The following ATP13A2 variants were observed in gnomAD, a reference collection of about 807,000 sequenced individuals.
ATP13A2 encodes the protein ATPase cation transporting 13A2.
ATP13A2 carries 83 observed loss-of-function variants against 138.3 expected under a neutral mutation model. That is an observed-to-expected ratio of 0.60 (90% CI 0.50 to 0.72). ATP13A2 has a LOEUF of 0.72. ATP13A2 is among the 30% of genes least tolerant of loss of function. The pLI is 0.00. For synonymous variants in ATP13A2, 663 were observed against 699.0 expected, an observed-to-expected ratio of 0.95 and a Z score of 0.81; for missense variants, 1,402 against 1,606.4, an observed-to-expected ratio of 0.87 and a Z score of 2.17.
In ATP13A2 at chr1:16,992,449, C is replaced by T. The variant is rs775851207; in HGVS notation, c.1845+37G>A. ...TGAGGTGCTGGCTGGGGAGCCCACC[C>T]CTCTGCCCTGCACCCAACAGGCCCC... On this transcript the variant is annotated intron_variant, in intron 17 of 28. Coordinates refer to ENST00000326735, the MANE Select transcript of ATP13A2 (RefSeq NM_022089.4). 8.1e-6 allele frequency: 13 copies of T among 1,613,536 alleles called. No individual in the cohort carries two copies. The African/African-American group carries it at 1.3e-4, about 17-fold the overall frequency.
chr1:17,002,613 T>C (rs912052791), intron 6 of ATP13A2, among the ~76,000 whole-genome samples: 1 of 152,208 alleles, frequency 6.6e-6, no homozygotes, highest in Non-Finnish European at 1.5e-5. Context: ...GCTAATAATA[T>C]GAACAGTGAA....
Position 16,996,377 on chromosome 1 carries a change from G to T in ATP13A2, c.1306+9C>A. ...CTATGGGCAGAGGAGGGTGCAGGGG[G>T]CCACTCACCCAGGACAGAGAGGGCA... On this transcript the variant is annotated intron_variant, in intron 13 of 28. Transcript: ENST00000326735. 1.9e-6 allele frequency: 3 copies of T among 1,613,290 alleles called. No homozygotes were observed. Among genetic ancestry groups the T allele is most frequent in the South Asian group, 1.1e-5 (1 of 91,066 alleles).
intron 20 of ATP13A2, among the ~76,000 whole-genome samples, chr1:16,990,766 C>A (rs1181555434): frequency 1.3e-5 from 2 of 152,196 alleles, no homozygotes; most frequent in Admixed American, 1.3e-4. Context: ...AGGTGATCCC[C>A]CTGCCTCGGC....
chr1:16,991,175 T>C (rs1570788163), intron 20 of ATP13A2, among the ~76,000 whole-genome samples: 1 of 152,150 alleles, frequency 6.6e-6, no homozygotes, highest in East Asian at 1.9e-4. Flanking sequence ...GGTCTCGAAC[T>C]CCTGACCTCA....
chr1:16,986,395 G>A lies in ATP13A2; in HGVS notation c.3406-37C>T, dbSNP rs748774220. 4.4e-6 allele frequency: 7 copies of A among 1,595,514 alleles called. No individual in the cohort carries two copies. In the East Asian group the frequency reaches 6.8e-5, roughly 16 times the overall value. On this transcript the variant is annotated intron_variant, in intron 28 of 28. Transcript: ENST00000326735. The surrounding 1 kb of genome is among the most constrained non-coding windows in gnomAD (Gnocchi z 6.9). The stretch of plus-strand genomic sequence containing the variant: ...AGGGAGGGTGTCAGGGGCAGCCGGG[G>A]CTGAGCTGGGGTCAATGCACCCCCA...
chr1:16,999,908 AAC>A, intron 11 of ATP13A2, 101 bp downstream of exon 11: 6 of 1,441,432 alleles, frequency 4.2e-6, no homozygotes, highest in Non-Finnish European at 5.5e-6. Context: ...CTCACAAAAA[AAC>A]AAAAAAGGAA....
In ATP13A2 at chr1:16,986,994, G is replaced by A. The variant is rs2076757239; in HGVS notation, c.3084-38C>T. 5 of 1,613,162 alleles carry A rather than the reference G, an allele frequency of 3.1e-6. No homozygotes were observed. The highest frequency in any genetic ancestry group is 4.2e-6 in the Non-Finnish European group (5 of 1,179,532). On this transcript the variant is annotated intron_variant, in intron 26 of 28. Coordinates refer to ENST00000326735, the MANE Select transcript of ATP13A2 (RefSeq NM_022089.4). This position sits in a 1 kb window ranked among gnomAD's most constrained non-coding sequence, Gnocchi z 6.9. ...GGATGGGGGTCAGGGAACGAACGTG[G>A]GGTGGACAGGGAAGGGGCGGGATGG...
chr1:16,993,736 C>T lies in ATP13A2; in HGVS notation c.1642G>A (p.Val548Met), dbSNP rs2077017082. ...PLVPEPRRLP[V>M]GPLLRALATC... ...GCCAGTGCTCGGAGCAGGGGCCCCA[C>T]AGGCAGGCGGCGAGGCTCTGGGACC... Residue 548 changes from valine (V) to methionine (M), a missense_variant, in exon 16 of 29, where the codon GTG (valine) becomes ATG (methionine). By Grantham distance (21) the Val-to-Met change is conservative (BLOSUM62 1). Coordinates refer to ENST00000326735, the MANE Select transcript of ATP13A2 (RefSeq NM_022089.4). 6.3e-7 allele frequency: 1 copy of T among 1,592,506 alleles called. No individual in the cohort carries two copies. Among genetic ancestry groups the T allele is most frequent in the Non-Finnish European group, 8.5e-7 (1 of 1,170,382 alleles).
chr1:17,000,015 C>T lies in ATP13A2; in HGVS notation c.1035G>A (p.Leu345=). The T allele has an allele frequency of 6.2e-7, 1 of 1,607,088 alleles. No individual in the cohort carries two copies. Among genetic ancestry groups the T allele is most frequent in the East Asian group, 2.2e-5 (1 of 44,614 alleles). ...AGECMVNESS[L]TGESIPVLKT... ...GGCCAGGGGCTGGGGGCTCACCTGTCAGAGAGCTCTCATTCACCATGCACT... is the reference window on the plus strand; with the variant it reads ...GGCCAGGGGCTGGGGGCTCACCTGTTAGAGAGCTCTCATTCACCATGCACT... The change falls in exon 11 of 29, where the codon CTG becomes CTA. Residue 345 remains leucine, a synonymous_variant. Transcript: ENST00000326735.
chr1:17,000,424 G>C lies in ATP13A2; in HGVS notation c.816C>G (p.Cys272Trp), dbSNP rs755969305. 2.5e-6 allele frequency: 4 copies of C among 1,613,858 alleles called. No individual in the cohort carries two copies. The Admixed American group carries it at 6.7e-5, about 27-fold the overall frequency. The change falls in exon 9 of 29, where the codon TGC (cysteine) becomes TGG (tryptophan). Residue 272 changes from cysteine to tryptophan, a missense_variant. Transcript: ENST00000326735. Reference sequence around the variant, plus strand: ...CCTTTCTGGTCTTGTACAGCGACAGGCAGATGGAGATGGAGGAAATGAGGA... The same window carrying C: ...CCTTTCTGGTCTTGTACAGCGACAGCCAGATGGAGATGGAGGAAATGAGGA... ...CIFLISSISI[C>W]LSLYKTRKQS...
At position 17,004,777 on chromosome 1, in the gene ATP13A2, T is replaced by C; in HGVS notation, c.392A>G (p.Gln131Arg). Residue 131 changes from glutamine (Q) to arginine (R), a missense_variant, in exon 5 of 29, where the codon CAG becomes CGG. Coordinates refer to ENST00000326735, the MANE Select transcript of ATP13A2 (RefSeq NM_022089.4). This position sits in a 1 kb window ranked among gnomAD's most constrained non-coding sequence, Gnocchi z 4.1. ...CTCTGGTACCGCCCCAACTGCCGCC[T>C]GGCTCCGGCCATCCTCTGCCTGGGA... ...PQSQAEDGRS[Q>R]AAVGAVPEGA... 4 of 1,614,054 alleles carry C rather than the reference T, an allele frequency of 2.5e-6. No individual in the cohort carries two copies. The highest frequency in any genetic ancestry group is 3.4e-6 in the Non-Finnish European group (4 of 1,180,030).
intron 1 of ATP13A2, among the ~76,000 whole-genome samples, chr1:17,009,387 CT>C (rs1161920218): frequency 0.051 from 5,920 of 116,490 alleles, 183 homozygotes; most frequent in African/African-American, 0.095. Flanking sequence ...GAGCCTCTTC[CT>C]TTTTTTTTTT....
At chr1:16,997,202 A>T (rs55848126) in intron 11 of ATP13A2, 27 bp from the exon 12 acceptor site, 1 of 1,612,570 alleles carries the variant, frequency 6.2e-7, no homozygotes, top group Non-Finnish European at 8.5e-7. Flanking sequence ...TGTGAGGACC[A>T]CTCCACACCC....
chr1:16,996,305 G>C lies in ATP13A2; in HGVS notation c.1307-5C>G. 1 of 1,614,182 alleles carries C rather than the reference G, an allele frequency of 6.2e-7. No individual in the cohort carries two copies. Among genetic ancestry groups the C allele is most frequent in the East Asian group, 2.2e-5 (1 of 44,880 alleles). ...TGTAGATGGTGCCGAGGAGAGCTGT[G>C]GGGACAGCGAAGGACTGAGTGGGAT... On this transcript the variant is annotated splice_polypyrimidine_tract_variant and splice_region_variant and intron_variant, in intron 13 of 28. Transcript: ENST00000326735.
Position 16,990,169 on chromosome 1 carries a change from C to T in ATP13A2, c.2370G>A (p.Glu790=), listed in dbSNP as rs1162391672. ...CTGTGGGGGACTCCATCGGCAGGAA[C>T]TCGAGAGAGGCAGGCTGACCCCGCT... ...HPERGQPASL[E]FLPMESPTAV... Residue 790 remains glutamate, a synonymous_variant, in exon 21 of 29, where the codon GAG becomes GAA. Coordinates refer to ENST00000326735, the MANE Select transcript of ATP13A2 (RefSeq NM_022089.4). 11 of 1,613,936 alleles carry T rather than the reference C, an allele frequency of 6.8e-6. No homozygotes were observed. Among genetic ancestry groups the T allele is most frequent in the South Asian group, 1.1e-5 (1 of 91,092 alleles).
chr1:17,002,522 C>T (rs1438052069), intron 6 of ATP13A2, 149 bp from the exon 7 acceptor site: 1 of 938,428 alleles, frequency 1.1e-6, no homozygotes, highest in Admixed American at 2.5e-5. Flanking sequence ...CCCCTTGAAC[C>T]CAAGGCTTGG....
At chr1:16,993,366 C>G (rs1411412874) in intron 16 of ATP13A2, among the ~76,000 whole-genome samples, 1 of 152,142 alleles carries the variant, frequency 6.6e-6, no homozygotes, top group Admixed American at 6.5e-5. Context: ...CACCACCACG[C>G]CCGGCTAATT....
Position 17,000,408 on chromosome 1 carries a change from T to C in ATP13A2, c.832A>G (p.Thr278Ala). The C allele has an allele frequency of 6.2e-7, 1 of 1,612,900 alleles. No homozygotes were observed. The highest frequency in any genetic ancestry group is 8.5e-7 in the Non-Finnish European group (1 of 1,179,428). ...CACCTTATGGCACTCACCTTTCTGGTCTTGTACAGCGACAGGCAGATGGAG... is the reference window on the plus strand; with the variant it reads ...CACCTTATGGCACTCACCTTTCTGGCCTTGTACAGCGACAGGCAGATGGAG... ...SISICLSLYK[T>A]RKQSQTLRDM... The change falls in exon 9 of 29, where the codon ACC becomes GCC. Residue 278 changes from threonine to alanine, a missense_variant. Thr to Ala is a moderately conservative substitution (Grantham distance 58). Transcript: ENST00000326735.
In ATP13A2 at chr1:16,997,179, G is replaced by A; in HGVS notation, c.1040-4C>T. The A allele has an allele frequency of 6.2e-7, 1 of 1,613,348 alleles. No individual in the cohort carries two copies. On this transcript the variant is annotated splice_region_variant and splice_polypyrimidine_tract_variant and intron_variant, in intron 11 of 28. Coordinates refer to ENST00000326735, the MANE Select transcript of ATP13A2 (RefSeq NM_022089.4). ...TTCAGCACTGGAATGCTCTCTCCTGGTGGGGAACGTGGTGTGAGGACCACT... is the reference window on the plus strand; with the variant it reads ...TTCAGCACTGGAATGCTCTCTCCTGATGGGGAACGTGGTGTGAGGACCACT...
Sources: allele counts gnomAD v4.1 joint callset (sites outside exome capture counted in the v4.1 genomes callset), GRCh38; gene constraint gnomAD v4.1.1; non-coding constraint Gnocchi (gnomAD v3.1); transcripts MANE v1.5; gene names NCBI Gene and HGNC (gene_info 2026-07-23, HGNC 2026-07-21).